Variants in KIF27 observed in about 807,000 individuals in gnomAD.
KIF27 encodes the protein kinesin family member 27, also known as kinesin-like protein KIF27.
A neutral mutation model predicts 141.8 loss-of-function variants in KIF27; 84 were observed. The observed-to-expected ratio is 0.59, with a 90% CI of 0.50 to 0.71. The LOEUF (loss-of-function observed/expected upper bound fraction) is 0.71. Among genes scored for constraint, KIF27 ranks in the 30% least tolerant of loss-of-function variants. The pLI is 0.00. For missense variants in KIF27, 1,306 were observed against 1,628.4 expected, an observed-to-expected ratio of 0.80 and a Z score of 3.41; for synonymous variants, 471 against 569.5, an observed-to-expected ratio of 0.83 and a Z score of 2.46.
intron 3 of KIF27, 22 bp downstream of exon 3, chr9:83,908,430 C>T: frequency 6.7e-7 from 1 of 1,484,818 alleles, no homozygotes; most frequent in Admixed American, 1.8e-5. Flanking sequence ...ATGAAGGCAA[C>T]TGATTAAGTG....
At chr9:83,879,723 T>C (rs1029814947) in intron 11 of KIF27, among the ~76,000 whole-genome samples, 4 of 151,986 alleles carry the variant, frequency 2.6e-5, no homozygotes, top group East Asian at 3.9e-4. Context: ...TTTGAGAAAA[T>C]TTATTTTCTC....
chr9:83,911,775 C>T (rs1033974729), intron 2 of KIF27, among the ~76,000 whole-genome samples: 12 of 152,178 alleles, frequency 7.9e-5, no homozygotes, highest in Admixed American at 3.9e-4. Context: ...AACTCCTGAG[C>T]TCAGGTGATC....
At chr9:83,866,055 T>G (rs527840856) in intron 13 of KIF27, among the ~76,000 whole-genome samples, 34 of 151,994 alleles carry the variant, frequency 2.2e-4, no homozygotes, top group Non-Finnish European at 4.6e-4. Context: ...TACCTGGAGT[T>G]TTTTTGACTT....
intron 4 of KIF27, among the ~76,000 whole-genome samples, chr9:83,901,225 T>C (rs62563548): frequency 0.17 from 26,574 of 152,178 alleles, 2,863 homozygotes; most frequent in Non-Finnish European, 0.24. Context: ...CCTCCCAAAG[T>C]GCTGTGATTA....
Position 83,903,734 on chromosome 9 carries a change from T to C in KIF27, c.784A>G (p.Lys262Glu), listed in dbSNP as rs1014123547. Residue 262 changes from lysine to glutamate, a missense_variant, in exon 4 of 18, where the codon AAA becomes GAA. Around this residue, in one of 4 missense-constraint regions of KIF27, gnomAD observed 533 missense variants for 565.6 expected, o/e 0.94. Coordinates refer to ENST00000297814, the MANE Select transcript of KIF27 (RefSeq NM_017576.4). ...TKTGNTGERF[K>E]ESIQINSGLL... Reference sequence around the variant, plus strand: ...CCACTATTGATTTGAATGGATTCTTTGAACCGTTCACCAGTATTCCCCGTT... The same window carrying C: ...CCACTATTGATTTGAATGGATTCTTCGAACCGTTCACCAGTATTCCCCGTT... 6.2e-7 allele frequency: 1 copy of C among 1,614,218 alleles called. No individual in the cohort carries two copies. Among genetic ancestry groups the C allele is most frequent in the Non-Finnish European group, 8.5e-7 (1 of 1,180,028 alleles).
Position 83,864,304 on chromosome 9 carries a change from G to A in KIF27, c.2934+3380C>T, listed in dbSNP as rs180952543. Among the ~76,000 whole-genome samples the A allele has an allele frequency of 1.9e-3, 291 of 152,110 alleles. 1 individual carries two copies. The highest frequency in any genetic ancestry group is 3.2e-3 in the Non-Finnish European group (216 of 68,002). On this transcript the variant is annotated intron_variant, in intron 13 of 17. Coordinates refer to ENST00000297814, the MANE Select transcript of KIF27 (RefSeq NM_017576.4). ...TAGATCTTTCCTGCTTTCTCTTGTC[G>A]GCATTTAGTGCTATAAATTTCCCTC...
chr9:83,913,045 G>C (rs1035692272), intron 2 of KIF27, among the ~76,000 whole-genome samples: 14 of 151,458 alleles, frequency 9.2e-5, no homozygotes, highest in African/African-American at 3.4e-4. Context: ...TGTCCCTGTA[G>C]TCCCAGATAC....
rs1480314479 is a variant in KIF27 at position 83,848,132 on chromosome 9, CATATATGAT to C, written c.3556+1958_3556+1966del. 3.2e-3 allele frequency among the ~76,000 whole-genome samples: 121 copies of C among 37,998 alleles called. 31 individuals carry two copies. The highest frequency in any genetic ancestry group is 0.026 in the East Asian group (52 of 1,992). 24.9% of individuals were successfully genotyped at this position (37,998 alleles called of 152,430 possible). ...CTCATATCTGATATATCTGATATCT[CATATATGAT>C]ATATCTGATATATCATATATGATAT... On this transcript the variant is annotated intron_variant, in intron 16 of 17. Transcript: ENST00000297814.
At chr9:83,902,362 A>G (rs1695818492) in intron 4 of KIF27, among the ~76,000 whole-genome samples, 1 of 152,188 alleles carries the variant, frequency 6.6e-6, no homozygotes, top group African/African-American at 2.4e-5. Flanking sequence ...ACTAGCTTGC[A>G]AACTCCACCC....
chr9:83,917,132 C>T (rs565209899), intron 1 of KIF27, among the ~76,000 whole-genome samples: 2 of 152,048 alleles, frequency 1.3e-5, no homozygotes, highest in South Asian at 4.2e-4. Context: ...TCCCTCCCCC[C>T]TTCCCCCACC....
chr9:83,834,577 C>T lies in KIF27; in HGVS notation c.*2424G>A, dbSNP rs994779876. Among the ~76,000 whole-genome samples the T allele has an allele frequency of 1.1e-4, 16 of 151,834 alleles. No individual in the cohort carries two copies. Among genetic ancestry groups the T allele is most frequent in the African/African-American group, 3.9e-4 (16 of 41,348 alleles). ...GGCTTTGAGGAAATGTGTATTTCCACAGGTAAAACAAGTATGTGTTAATTT... is the reference window on the plus strand; with the variant it reads ...GGCTTTGAGGAAATGTGTATTTCCATAGGTAAAACAAGTATGTGTTAATTT... On this transcript the variant is annotated 3_prime_UTR_variant, in exon 18 of 18. Transcript: ENST00000297814.
intron 15 of KIF27, among the ~76,000 whole-genome samples, chr9:83,851,175 C>A (rs1289973960): frequency 6.6e-6 from 1 of 151,916 alleles, no homozygotes; most frequent in East Asian, 1.9e-4. Context: ...CTAATAATCA[C>A]CCTTCCATAA....
At chr9:83,874,805 G>T (rs1298154395) in intron 11 of KIF27, among the ~76,000 whole-genome samples, 1 of 149,972 alleles carries the variant, frequency 6.7e-6, no homozygotes, top group Non-Finnish European at 1.5e-5. Flanking sequence ...ACGCTGGCAT[G>T]TGCCTGCAGT....
In KIF27 at chr9:83,903,695, C is replaced by A. The variant is rs1475867389; in HGVS notation, c.823G>T (p.Gly275Ter). The A allele has an allele frequency of 1.5e-5, 24 of 1,614,136 alleles. No individual in the cohort carries two copies. The highest frequency in any genetic ancestry group is 1.9e-5 in the Non-Finnish European group (22 of 1,180,022). The change falls in exon 4 of 18, where the codon GGA becomes TGA. Residue 275 changes from glycine to a stop codon, truncating the protein, a stop_gained. Transcript: ENST00000297814. LOFTEE classifies it high-confidence loss of function. The stretch of plus-strand genomic sequence containing the variant: ...TCCCCAAGAGCGCTTATTACATTTC[C>A]TAAAGCCAGCAATCCACTATTGATT... ...IQINSGLLAL[G>*]NVISALGDPR...
intron 13 of KIF27, among the ~76,000 whole-genome samples, chr9:83,866,752 T>C (rs1011868904): frequency 2.6e-5 from 4 of 152,022 alleles, no homozygotes; most frequent in Non-Finnish European, 5.9e-5. Flanking sequence ...GGTGTGCGCC[T>C]GTAGTCCGAG....
chr9:83,875,188 CT>C (rs1427676024), intron 11 of KIF27, among the ~76,000 whole-genome samples: 1 of 152,080 alleles, frequency 6.6e-6, no homozygotes, highest in African/African-American at 2.4e-5. Flanking sequence ...ACAAAACAGA[CT>C]AAGTTGTTGG....
At chr9:83,905,817 T>A (rs974118710) in intron 3 of KIF27, among the ~76,000 whole-genome samples, 4 of 152,214 alleles carry the variant, frequency 2.6e-5, no homozygotes, top group African/African-American at 4.8e-5. Context: ...TTTAAAAAGC[T>A]TCCCACGTGT....
rs868677803 is a variant in KIF27 at position 83,866,114 on chromosome 9, C to A, written c.2934+1570G>T. On this transcript the variant is annotated intron_variant, in intron 13 of 17. Transcript: ENST00000297814. ...TTCAATCTTCAGAAAATAAATCGGT[C>A]CCAGAGTAAGAAAAAATAGTTTCAT... 9.9e-5 allele frequency among the ~76,000 whole-genome samples: 15 copies of A among 152,166 alleles called. 1 individual carries two copies. The Middle Eastern group carries it at 0.01, about 104-fold the overall frequency.
At chr9:83,913,435 T>A (rs1955382378) in intron 2 of KIF27, among the ~76,000 whole-genome samples, 1 of 151,854 alleles carries the variant, frequency 6.6e-6, no homozygotes, top group African/African-American at 2.4e-5. Context: ...CATCAAAAAA[T>A]AAATCCAACT....
Sources: gnomAD v4.1 joint callset for allele counts (sites outside exome capture counted in the v4.1 genomes callset) on GRCh38, gnomAD v4.1.1 for gene constraint, gnomAD v4.1.1 regional missense constraint, MANE v1.5 for transcripts, NCBI Gene and HGNC (gene_info 2026-07-23, HGNC 2026-07-21) for gene names.